KIF26B: variants seen among roughly 807,000 people sequenced by gnomAD.
The protein encoded by KIF26B is kinesin family member 26B.
KIF26B carries 63 observed loss-of-function variants against 151.2 expected under a neutral mutation model. That is an observed-to-expected ratio of 0.42 (90% CI 0.34 to 0.51). The LOEUF (loss-of-function observed/expected upper bound fraction) is 0.51. Among genes scored for constraint, KIF26B ranks in the 20% least tolerant of loss-of-function variants. The probability of loss-of-function intolerance (pLI) is 0.07; values close to 1 mark genes in which losing one functional copy is unlikely to be tolerated. For synonymous variants in KIF26B, 1,357 were observed against 1,262.1 expected, an observed-to-expected ratio of 1.08 and a Z score of -1.59; for missense variants, 2,813 against 2,913.6, an observed-to-expected ratio of 0.97 and a Z score of 0.79.
chr1:245,404,357 C>A (rs13375387), intron 3 of KIF26B, among the ~76,000 whole-genome samples: 71 of 152,082 alleles, frequency 4.7e-4, no homozygotes, highest in African/African-American at 1.7e-3. Context: ...AACAAAAGGG[C>A]AGATATGGAA....
chr1:245,633,401 C>T (rs2043801996), intron 9 of KIF26B, among the ~76,000 whole-genome samples: 1 of 151,758 alleles, frequency 6.6e-6, no homozygotes, highest in African/African-American at 2.4e-5. Flanking sequence ...ATTTTGTAAA[C>T]TGTTTTATGA....
intron 4 of KIF26B, among the ~76,000 whole-genome samples, chr1:245,498,998 C>T (rs901982316): frequency 6.6e-6 from 1 of 152,146 alleles, no homozygotes; most frequent in Non-Finnish European, 1.5e-5. Context: ...AAAGCAGACA[C>T]AGTTACATTC....
chr1:245,504,221 C>T (rs1287832557), intron 4 of KIF26B, among the ~76,000 whole-genome samples: 2 of 152,088 alleles, frequency 1.3e-5, no homozygotes, highest in Non-Finnish European at 2.9e-5. Flanking sequence ...CCCCAGGGCC[C>T]AGATGGCTCC....
chr1:245,223,824 G>A (rs1292943048), intron 2 of KIF26B, among the ~76,000 whole-genome samples: 1 of 152,112 alleles, frequency 6.6e-6, no homozygotes, highest in African/African-American at 2.4e-5. Flanking sequence ...CAAAGGTAAC[G>A]GTGGGTAAAT....
intron 2 of KIF26B, among the ~76,000 whole-genome samples, chr1:245,193,776 C>T: frequency 6.6e-6 from 1 of 152,230 alleles, no homozygotes; most frequent in African/African-American, 2.4e-5. Context: ...CGTCCCTCCA[C>T]TGCGCCAGAT....
intron 4 of KIF26B, among the ~76,000 whole-genome samples, chr1:245,475,980 A>T (rs1053048620): frequency 6.6e-6 from 1 of 151,908 alleles, no homozygotes; most frequent in Admixed American, 6.6e-5. Flanking sequence ...AGCGTTAGTC[A>T]AAATAGCCAA....
At chr1:245,381,447 G>A (rs1387141551) in intron 3 of KIF26B, among the ~76,000 whole-genome samples, 3 of 152,182 alleles carry the variant, frequency 2.0e-5, no homozygotes, top group Non-Finnish European at 2.9e-5. Flanking sequence ...AGCCCAACAC[G>A]AGTTCGTAAA....
At position 245,698,546 on chromosome 1, in the gene KIF26B, G is replaced by A. The variant is rs1452445182; in HGVS notation, c.6027+238G>A. ...TTTAAGGGCTTCAAAGCCAGGGGTC[G>A]GGGGCTGGTGATCTTGGGGGCTTTT... On this transcript the variant is annotated intron_variant, in intron 13 of 14. Coordinates refer to ENST00000407071, the MANE Select transcript of KIF26B (RefSeq NM_018012.4). The surrounding 1 kb of genome is among the most constrained non-coding windows in gnomAD (Gnocchi z 4.0). Among the ~76,000 whole-genome samples, 5 of 152,326 alleles carry A rather than the reference G, an allele frequency of 3.3e-5. No individual in the cohort carries two copies. Among genetic ancestry groups the A allele is most frequent in the South Asian group, 2.1e-4 (1 of 4,826 alleles).
At chr1:245,569,228 T>C (rs1365839301) in intron 5 of KIF26B, among the ~76,000 whole-genome samples, 1 of 152,166 alleles carries the variant, frequency 6.6e-6, no homozygotes, top group East Asian at 1.9e-4. Context: ...CCATTGTACA[T>C]TGACTGTCTC....
In KIF26B at chr1:245,258,489, C is replaced by CA. The variant is rs1670580017; in HGVS notation, c.465+101807dup. Reference sequence around the variant, plus strand: ...GCAAACAGTGGTGTTGGTATTGGAGCAGGATCAAAGCTCATTCCTGGCTAA... The same window carrying CA: ...GCAAACAGTGGTGTTGGTATTGGAGCAAGGATCAAAGCTCATTCCTGGCTAA... On this transcript the variant is annotated intron_variant, in intron 2 of 14. Coordinates refer to ENST00000407071, the MANE Select transcript of KIF26B (RefSeq NM_018012.4). Among the ~76,000 whole-genome samples the CA allele has an allele frequency of 3.3e-5, 5 of 152,176 alleles. No homozygotes were observed. In the South Asian group the frequency reaches 1.0e-3, roughly 32 times the overall value.
chr1:245,474,721 T>C (rs1659996060), intron 4 of KIF26B, among the ~76,000 whole-genome samples: 1 of 151,724 alleles, frequency 6.6e-6, no homozygotes, highest in Non-Finnish European at 1.5e-5. Flanking sequence ...CCTCAAACAC[T>C]GGGTCTTATT....
intron 2 of KIF26B, among the ~76,000 whole-genome samples, chr1:245,319,960 G>A (rs1330339510): frequency 6.6e-6 from 1 of 152,174 alleles, no homozygotes; most frequent in Admixed American, 6.5e-5. Flanking sequence ...TCATCATTTT[G>A]TCTACCATTA....
chr1:245,307,164 A>G (rs1038665834), intron 2 of KIF26B, among the ~76,000 whole-genome samples: 1 of 152,198 alleles, frequency 6.6e-6, no homozygotes, highest in Admixed American at 6.5e-5. Flanking sequence ...TATCATCTAC[A>G]TTAGTTTGTC....
chr1:245,396,368 T>C (rs2103024874), intron 3 of KIF26B, among the ~76,000 whole-genome samples: 1 of 152,308 alleles, frequency 6.6e-6, no homozygotes, highest in East Asian at 1.9e-4. Context: ...ATGTATGCAT[T>C]GGGACAACAT....
chr1:245,171,576 C>G (rs771501794), intron 2 of KIF26B, among the ~76,000 whole-genome samples: 10 of 152,182 alleles, frequency 6.6e-5, no homozygotes, highest in Non-Finnish European at 1.3e-4. Flanking sequence ...ACAAAAATCA[C>G]TATCCTATGT....
chr1:245,205,175 A>G (rs1669377158), intron 2 of KIF26B, among the ~76,000 whole-genome samples: 1 of 152,194 alleles, frequency 6.6e-6, no homozygotes, highest in African/African-American at 2.4e-5. Context: ...ATATGGCCGT[A>G]GAGTACATTC....
chr1:245,659,908 C>T (rs1326641329), intron 10 of KIF26B, among the ~76,000 whole-genome samples: 8 of 150,756 alleles, frequency 5.3e-5, no homozygotes, highest in East Asian at 2.0e-4. Flanking sequence ...AAAAGCCAGG[C>T]GTGGTGGAAC....
intron 2 of KIF26B, among the ~76,000 whole-genome samples, chr1:245,173,652 T>C (rs984333292): frequency 3.3e-5 from 5 of 152,096 alleles, no homozygotes; most frequent in Non-Finnish European, 5.9e-5. Context: ...CCCTTCCTGC[T>C]CCCCGGCCTC....
chr1:245,659,181 T>G (rs1017606763), intron 10 of KIF26B, among the ~76,000 whole-genome samples: 11 of 152,048 alleles, frequency 7.2e-5, no homozygotes, highest in Non-Finnish European at 1.6e-4. Flanking sequence ...GAGGCTGCAG[T>G]CAGCTATGAT....
Sources: gnomAD v4.1 joint callset for allele counts (sites outside exome capture counted in the v4.1 genomes callset) on GRCh38, gnomAD v4.1.1 for gene constraint, Gnocchi (gnomAD v3.1) non-coding constraint, MANE v1.5 for transcripts, NCBI Gene and HGNC (gene_info 2026-07-23, HGNC 2026-07-21) for gene names.